CACNA2D3: variants seen among roughly 807,000 people sequenced by gnomAD.
CACNA2D3 encodes the protein voltage-dependent calcium channel subunit alpha-2/delta-3.
In CACNA2D3, 60 loss-of-function variants were observed where a neutral mutation model predicts 160.6. The observed-to-expected ratio is 0.37, with a 90% CI of 0.30 to 0.46. The LOEUF is 0.46. CACNA2D3 is among the 20% of genes least tolerant of loss of function. The pLI, the probability that CACNA2D3 is intolerant of heterozygous loss-of-function variation, is 1.00. For synonymous variants in CACNA2D3, 558 were observed against 492.9 expected (o/e 1.13, Z -1.75); for missense variants, 1,205 against 1,365.0 (o/e 0.88, Z 1.85).
intron 2 of CACNA2D3, among the ~76,000 whole-genome samples, chr3:54,225,610 CCT>C (rs1207951100): frequency 6.6e-6 from 1 of 152,100 alleles, no homozygotes; most frequent in Non-Finnish European, 1.5e-5. Flanking sequence ...GTGTTTGAAA[CCT>C]CTTAATTTCT....
intron 10 of CACNA2D3, among the ~76,000 whole-genome samples, chr3:54,641,454 G>A (rs1166376447): frequency 1.3e-5 from 2 of 152,172 alleles, no homozygotes; most frequent in East Asian, 3.9e-4. Context: ...AGGCTTCAGA[G>A]AGAATAGATG....
chr3:55,065,647 A>G (rs1704617710), intron 35 of CACNA2D3, among the ~76,000 whole-genome samples: 1 of 151,706 alleles, frequency 6.6e-6, no homozygotes, highest in African/African-American at 2.4e-5. Flanking sequence ...AGCCTGGACG[A>G]CAGAGCAAGA....
intron 4 of CACNA2D3, among the ~76,000 whole-genome samples, chr3:54,464,443 G>A (rs1049392857): frequency 3.3e-5 from 5 of 152,212 alleles, no homozygotes; most frequent in South Asian, 2.1e-4. Flanking sequence ...CGAGCTTCCC[G>A]GCTGCTTTGT....
intron 11 of CACNA2D3, among the ~76,000 whole-genome samples, chr3:54,655,418 A>G (rs1699859499): frequency 6.6e-6 from 1 of 152,254 alleles, no homozygotes; most frequent in African/African-American, 2.4e-5. Context: ...CATCGTTACC[A>G]TAATTTTCAA....
At chr3:55,021,599 T>TTA (rs56044949) in intron 35 of CACNA2D3, among the ~76,000 whole-genome samples, 3,460 of 141,692 alleles carry the variant, frequency 0.024, 133 homozygotes, top group African/African-American at 0.081. Context: ...CATCTCTAAA[T>TTA]TATATATATA....
intron 29 of CACNA2D3, among the ~76,000 whole-genome samples, chr3:54,973,855 A>G (rs1702327637): frequency 6.6e-6 from 1 of 152,212 alleles, no homozygotes; most frequent in Admixed American, 6.5e-5. Context: ...GTATTCCACA[A>G]TGGAAATATT....
At chr3:54,503,368 A>T in intron 4 of CACNA2D3, 124 bp from the exon 5 acceptor site, 1 of 768,752 alleles carries the variant, frequency 1.3e-6, no homozygotes, top group Middle Eastern at 3.5e-4. Context: ...AGACATAAAA[A>T]GATTATGTGA....
intron 5 of CACNA2D3, among the ~76,000 whole-genome samples, chr3:54,512,448 G>A (rs947139990): frequency 2.6e-5 from 4 of 152,190 alleles, no homozygotes; most frequent in South Asian, 2.1e-4. Context: ...AATGATGATA[G>A]TGACACCGGG....
At chr3:54,517,233 C>T (rs376437233) in intron 5 of CACNA2D3, among the ~76,000 whole-genome samples, 3 of 152,230 alleles carry the variant, frequency 2.0e-5, no homozygotes, top group African/African-American at 4.8e-5. Context: ...AGACTCCCCT[C>T]GAGCAGTGGC....
chr3:54,369,886 A>G (rs1482610759), intron 3 of CACNA2D3, among the ~76,000 whole-genome samples: 1 of 152,204 alleles, frequency 6.6e-6, no homozygotes, highest in Non-Finnish European at 1.5e-5. Context: ...TGTGACAACA[A>G]ATTCCTACAG....
chr3:54,273,231 GT>G (rs1702657638), intron 2 of CACNA2D3: 1 of 152,226 alleles, frequency 6.6e-6, no homozygotes. Context: ...TCTTCCAGCT[GT>G]GCTTACTGGC....
At chr3:54,610,106 C>T (rs1014140205) in intron 9 of CACNA2D3, among the ~76,000 whole-genome samples, 7 of 152,110 alleles carry the variant, frequency 4.6e-5, no homozygotes, top group Non-Finnish European at 1.0e-4. Flanking sequence ...GTCATCTTCA[C>T]CCTGTGTGTG....
At chr3:54,812,112 A>G (rs982602799) in intron 13 of CACNA2D3, among the ~76,000 whole-genome samples, 6 of 152,172 alleles carry the variant, frequency 3.9e-5, no homozygotes, top group Admixed American at 3.9e-4. Context: ...AGCTCTAGTC[A>G]TCACATTCAC....
intron 17 of CACNA2D3, among the ~76,000 whole-genome samples, chr3:54,861,886 C>T (rs79657085): frequency 0.013 from 1,986 of 152,274 alleles, 39 homozygotes; most frequent in African/African-American, 0.044. Flanking sequence ...TTACAAGGGA[C>T]ATTTGGCTTT....
intron 4 of CACNA2D3, among the ~76,000 whole-genome samples, chr3:54,403,592 A>G (rs142269106): frequency 3.3e-5 from 5 of 152,338 alleles, no homozygotes; most frequent in African/African-American, 1.2e-4. Context: ...TCAAGGAACT[A>G]GAAAAAGAAG....
At chr3:54,990,270 C>A (rs892789168) in intron 31 of CACNA2D3, among the ~76,000 whole-genome samples, 1 of 152,168 alleles carries the variant, frequency 6.6e-6, no homozygotes, top group Non-Finnish European at 1.5e-5. Flanking sequence ...GTGGCTCACG[C>A]CTGTAATCCC....
intron 5 of CACNA2D3, among the ~76,000 whole-genome samples, chr3:54,535,199 T>G (rs1307445759): frequency 6.6e-6 from 1 of 152,138 alleles, no homozygotes; most frequent in Non-Finnish European, 1.5e-5. Context: ...AAATGAAAAA[T>G]TCTGGGTCCT....
At chr3:54,478,469 A>G (rs1700868442) in intron 4 of CACNA2D3, among the ~76,000 whole-genome samples, 1 of 151,298 alleles carries the variant, frequency 6.6e-6, no homozygotes, top group Non-Finnish European at 1.5e-5. Context: ...TGTCTCTACT[A>G]AAAATACAAA....
chr3:54,284,291 TAAAA>T (rs930186888), intron 2 of CACNA2D3, among the ~76,000 whole-genome samples: 1 of 151,090 alleles, frequency 6.6e-6, no homozygotes, highest in Non-Finnish European at 1.5e-5. Context: ...AAAATTAAAT[TAAAA>T]AAATTAAAAA....
Sources: gnomAD v4.1 joint callset for allele counts (sites outside exome capture counted in the v4.1 genomes callset) on GRCh38, gnomAD v4.1.1 for gene constraint, MANE v1.5 for transcripts, NCBI Gene and HGNC (gene_info 2026-07-23, HGNC 2026-07-21) for gene names.